Variants in USP6NL observed in about 807,000 individuals in gnomAD.
USP6NL encodes the protein USP6 N-terminal-like protein.
USP6NL carries 26 observed loss-of-function variants against 61.9 expected under a neutral mutation model. The ratio of observed to expected loss-of-function variants is 0.42; its 90% confidence interval spans 0.31 to 0.58. The LOEUF is 0.58. Among genes scored for constraint, USP6NL ranks in the 20% least tolerant of loss-of-function variants. The probability of loss-of-function intolerance (pLI) is 0.16; values close to 1 mark genes in which losing one functional copy is unlikely to be tolerated. For synonymous variants in USP6NL, 432 were observed against 390.1 expected (o/e 1.11, Z -1.27); for missense variants, 1,114 against 1,034.3 (o/e 1.08, Z -1.06).
chr10:11,530,546 C>G (rs922089714), intron 2 of USP6NL, among the ~76,000 whole-genome samples: 1 of 152,186 alleles, frequency 6.6e-6, no homozygotes, highest in African/African-American at 2.4e-5. Flanking sequence ...GAACAGTTAA[C>G]TCTAAATCAA....
At position 11,593,469 on chromosome 10, in the gene USP6NL, A is replaced by G. The variant is rs563844451; in HGVS notation, c.4+4162T>C. Among the ~76,000 whole-genome samples the G allele has an allele frequency of 2.8e-4, 43 of 152,342 alleles. 1 individual carries two copies. The highest frequency in any genetic ancestry group is 9.9e-4 in the African/African-American group (41 of 41,574). The stretch of plus-strand genomic sequence containing the variant: ...TTTAAATCATAGCCACAGTTTGAGT[A>G]TAACAACTTAATTTAATCCTTGGTT... On this transcript the variant is annotated intron_variant, in intron 2 of 14. Transcript: ENST00000609104.
chr10:11,463,537 T>C lies in USP6NL; in HGVS notation c.1391A>G (p.Tyr464Cys), dbSNP rs2096226870. 6.2e-7 allele frequency: 1 copy of C among 1,614,060 alleles called. No individual in the cohort carries two copies. Among genetic ancestry groups the C allele is most frequent in the Non-Finnish European group, 8.5e-7 (1 of 1,179,902 alleles). ...ATTTTGGTTGGCAGCTGCGTGATTA[T>C]ATTGCCTGGAACTGTCCTGTGGACC... The part of the protein sequence containing the change: ...PSGPQDSSRQ[Y>C]NHAAANQNSN... Residue 464 changes from tyrosine to cysteine, a missense_variant, in exon 15 of 15, where the codon TAT (tyrosine) becomes TGT (cysteine). Transcript: ENST00000609104. This position sits in a 1 kb window ranked among gnomAD's most constrained non-coding sequence, Gnocchi z 6.3.
chr10:11,567,389 T>C (rs1837202036), intron 2 of USP6NL, among the ~76,000 whole-genome samples: 2 of 152,200 alleles, frequency 1.3e-5, no homozygotes, highest in Admixed American at 6.5e-5. Context: ...TCATTTTTCT[T>C]TAAAACATTA....
chr10:11,518,525 C>A lies in USP6NL; in HGVS notation c.195+10G>T. The stretch of plus-strand genomic sequence containing the variant: ...CCAGTAACTGTAAATACATCAAGAG[C>A]AGGACTTACCCGTTCCACAGCCACA... On this transcript the variant is annotated intron_variant, in intron 5 of 14. Transcript: ENST00000609104. The surrounding 1 kb of genome is among the most constrained non-coding windows in gnomAD (Gnocchi z 5.3). 1 of 1,611,724 alleles carries A rather than the reference C, an allele frequency of 6.2e-7. No individual in the cohort carries two copies. The highest frequency in any genetic ancestry group is 8.5e-7 in the Non-Finnish European group (1 of 1,178,538).
chr10:11,550,444 C>T (rs1278276715), intron 2 of USP6NL, among the ~76,000 whole-genome samples: 2 of 151,950 alleles, frequency 1.3e-5, no homozygotes, highest in East Asian at 1.9e-4. Flanking sequence ...TTTGTTTTTT[C>T]GGGTTTTGTT....
chr10:11,464,016 T>C (rs1832325575), intron 14 of USP6NL, among the ~76,000 whole-genome samples, 167 bp from the exon 15 acceptor site: 1 of 152,250 alleles, frequency 6.6e-6, no homozygotes, highest in Non-Finnish European at 1.5e-5. Flanking sequence ...ACACACTGTT[T>C]ATACCACAGA....
intron 14 of USP6NL, among the ~76,000 whole-genome samples, chr10:11,471,074 A>T (rs1832722226): frequency 6.6e-6 from 1 of 152,212 alleles, no homozygotes; most frequent in South Asian, 2.1e-4. Context: ...AGTCCCAGCT[A>T]CTTGAGAGGC....
intron 2 of USP6NL, among the ~76,000 whole-genome samples, chr10:11,536,187 T>C (rs944788383): frequency 2.6e-5 from 4 of 152,202 alleles, no homozygotes; most frequent in Non-Finnish European, 4.4e-5. Flanking sequence ...AATAGCACCC[T>C]GGGAAAGCCT....
At chr10:11,531,163 T>C (rs935818929) in intron 2 of USP6NL, among the ~76,000 whole-genome samples, 1 of 152,224 alleles carries the variant, frequency 6.6e-6, no homozygotes, top group Non-Finnish European at 1.5e-5. Context: ...AATAAAAGTT[T>C]ATTTGGAAAA....
At chr10:11,497,789 G>A (rs1036022027) in intron 7 of USP6NL, among the ~76,000 whole-genome samples, 1 of 152,148 alleles carries the variant, frequency 6.6e-6, no homozygotes, top group Non-Finnish European at 1.5e-5. Flanking sequence ...AATGAAAAGA[G>A]GTAAACAATT....
chr10:11,467,863 T>C (rs1268648751), intron 14 of USP6NL, among the ~76,000 whole-genome samples: 1 of 152,234 alleles, frequency 6.6e-6, no homozygotes, highest in Non-Finnish European at 1.5e-5. Context: ...CAGAGAAGTA[T>C]GAAGTTTAAA....
At chr10:11,560,610 G>T (rs1836888207) in intron 2 of USP6NL, among the ~76,000 whole-genome samples, 1 of 150,092 alleles carries the variant, frequency 6.7e-6, no homozygotes, top group Admixed American at 6.7e-5. Context: ...AGACTCCTAG[G>T]TTTGGCAATA....
At chr10:11,609,349 G>A (rs1474731971) in intron 1 of USP6NL, among the ~76,000 whole-genome samples, 2 of 152,144 alleles carry the variant, frequency 1.3e-5, no homozygotes, top group Non-Finnish European at 2.9e-5. Context: ...TTACAGGCAT[G>A]AGCCACTGCA....
chr10:11,498,387 G>A (rs1383872867), intron 7 of USP6NL, among the ~76,000 whole-genome samples: 1 of 150,906 alleles, frequency 6.6e-6, no homozygotes, highest in East Asian at 1.9e-4. Flanking sequence ...ATGCAAGAGA[G>A]AAAAATAAAA....
chr10:11,554,000 T>A lies in USP6NL; in HGVS notation c.5-26433A>T, dbSNP rs1226065044. ...GGTCTGATATGGGGACTCTAGAGTC[T>A]ACAAAGATCCAGGCTCCTTCCATCT... On this transcript the variant is annotated intron_variant, in intron 2 of 14. Coordinates refer to ENST00000609104, the MANE Select transcript of USP6NL (RefSeq NM_014688.5). This position sits in a 1 kb window ranked among gnomAD's most constrained non-coding sequence, Gnocchi z 4.8. Among the ~76,000 whole-genome samples the A allele has an allele frequency of 6.6e-6, 1 of 152,162 alleles. No homozygotes were observed. The highest frequency in any genetic ancestry group is 1.5e-5 in the Non-Finnish European group (1 of 68,024).
chr10:11,523,349 A>G (rs1835284959), intron 4 of USP6NL, among the ~76,000 whole-genome samples: 1 of 152,242 alleles, frequency 6.6e-6, no homozygotes, highest in East Asian at 1.9e-4. Context: ...CAAGTGTGGA[A>G]AAATCACTGG....
At chr10:11,486,205 GTTCTT>G (rs1453530180) in intron 10 of USP6NL, among the ~76,000 whole-genome samples, 1 of 146,510 alleles carries the variant, frequency 6.8e-6, no homozygotes, top group Non-Finnish European at 1.5e-5. Flanking sequence ...AAGATTATCT[GTTCTT>G]TTAAGATATT....
intron 2 of USP6NL, chr10:11,573,833 G>A: frequency 1.0e-5 from 4 of 393,632 alleles, no homozygotes; most frequent in Non-Finnish European, 1.8e-5. Context: ...TGAAGGCTCT[G>A]AAGCAGTTAA....
Position 11,489,113 on chromosome 10 carries a change from T to C in USP6NL, c.653A>G (p.His218Arg), listed in dbSNP as rs1470915512. The C allele has an allele frequency of 6.2e-7, 1 of 1,613,744 alleles. No individual in the cohort carries two copies. Among genetic ancestry groups the C allele is most frequent in the Non-Finnish European group, 8.5e-7 (1 of 1,179,804 alleles). Residue 218 changes from histidine to arginine, a missense_variant, in exon 10 of 15, where the codon CAT becomes CGT. His to Arg is a conservative substitution (Grantham distance 29). Transcript: ENST00000609104. This position sits in a 1 kb window ranked among gnomAD's most constrained non-coding sequence, Gnocchi z 5.7. ...CAGGGTTTTCTTACCATGCATGGCA[T>C]GTTTAGGGCCTGAGAAGAGTTTGAC... Reference protein sequence around the residue: ...ALVKLFSGPKHAMHGFFVQGF... With the variant: ...ALVKLFSGPKRAMHGFFVQGF...
Sources: allele counts gnomAD v4.1 joint callset (sites outside exome capture counted in the v4.1 genomes callset), GRCh38; gene constraint gnomAD v4.1.1; non-coding constraint Gnocchi (gnomAD v3.1); transcripts MANE v1.5; gene names NCBI Gene and HGNC (gene_info 2026-07-23, HGNC 2026-07-21).